COL12A1: variants seen among roughly 807,000 people sequenced by gnomAD.
The protein encoded by COL12A1 is collagen alpha-1(XII) chain.
A neutral mutation model predicts 349.7 loss-of-function variants in COL12A1; 114 were observed. The observed-to-expected ratio is 0.33, with a 90% CI of 0.28 to 0.38. COL12A1 has a LOEUF of 0.38. Among genes scored for constraint, COL12A1 ranks in the 10% least tolerant of loss-of-function variants. The pLI is 1.00. For missense variants in COL12A1, 3,284 were observed against 3,756.9 expected (o/e 0.87, Z 3.29); for synonymous variants, 1,369 against 1,329.0 (o/e 1.03, Z -0.66).
chr6:75,101,566 C>T (rs775478994), intron 58 of COL12A1, 34 bp downstream of exon 58: 1 of 1,597,370 alleles, frequency 6.3e-7, no homozygotes, highest in Non-Finnish European at 8.5e-7. Context: ...GACATCATTT[C>T]CAACATCATT....
intron 40 of COL12A1, 70 bp from the exon 41 acceptor site, chr6:75,124,441 C>A: frequency 8.6e-7 from 1 of 1,158,220 alleles, no homozygotes; most frequent in Non-Finnish European, 1.2e-6. Context: ...AATCATAACA[C>A]AATTTTCAAA....
rs1767763832 is a variant in COL12A1, at chr6:75,156,380, C to A, written c.3127G>T (p.Val1043Leu). 6.2e-7 allele frequency: 1 copy of A among 1,613,912 alleles called. No individual in the cohort carries two copies. The highest frequency in any genetic ancestry group is 1.1e-5 in the South Asian group (1 of 91,074). The change falls in exon 15 of 66, where the codon GTG (valine) becomes TTG (leucine). Residue 1043 changes from valine to leucine, a missense_variant. Physicochemically the swap from Val to Leu is conservative, Grantham distance 32. Coordinates refer to ENST00000322507, the MANE Select transcript of COL12A1 (RefSeq NM_004370.6). The part of the protein sequence containing the change: ...HGRGKQMVAK[V>L]PPTVTSTVLK... ...ACTGTCGAAGTGACTGTGGGGGGCACCTTAGCAACCATTTGCTTCCCTCTC... is the reference window on the plus strand; with the variant it reads ...ACTGTCGAAGTGACTGTGGGGGGCAACTTAGCAACCATTTGCTTCCCTCTC...
At chr6:75,110,272 G>C (rs752724142) in intron 51 of COL12A1, among the ~76,000 whole-genome samples, 1 of 151,876 alleles carries the variant, frequency 6.6e-6, no homozygotes, top group Non-Finnish European at 1.5e-5. Context: ...CATTGACAAG[G>C]CATGTGAAAA....
At chr6:75,087,823 T>C in intron 64 of COL12A1, 76 bp from the exon 65 acceptor site, 2 of 1,443,952 alleles carry the variant, frequency 1.4e-6, no homozygotes, top group East Asian at 2.3e-5. Context: ...ATACTTTAAG[T>C]GGCACCTCCA....
Position 75,130,078 on chromosome 6 carries a change from G to A in COL12A1, c.6210+13C>T, listed in dbSNP as rs139520272. On this transcript the variant is annotated intron_variant, in intron 37 of 65. Coordinates refer to ENST00000322507, the MANE Select transcript of COL12A1 (RefSeq NM_004370.6). Reference sequence around the variant, plus strand: ...GATGATAAAATGTGCCAATAAATGAGTATCAGACTTACATATTCATCAATT... The same window carrying A: ...GATGATAAAATGTGCCAATAAATGAATATCAGACTTACATATTCATCAATT... 2,127 of 1,611,870 alleles carry A rather than the reference G, an allele frequency of 1.3e-3. 14 individuals are homozygous for A. In the African/African-American group the frequency reaches 0.024, roughly 18 times the overall value.
chr6:75,102,546 C>A, intron 56 of COL12A1, 51 bp downstream of exon 56: 1 of 1,334,464 alleles, frequency 7.5e-7, no homozygotes, highest in East Asian at 2.7e-5. Context: ...ATTCATTTAA[C>A]TAAATGTTTA....
chr6:75,191,251 C>A (rs1769916690), intron 5 of COL12A1, among the ~76,000 whole-genome samples: 1 of 152,000 alleles, frequency 6.6e-6, no homozygotes, highest in South Asian at 2.1e-4. Context: ...TACACACAGA[C>A]TTAGAAAAGT....
chr6:75,133,762 C>T (rs1242253551), intron 33 of COL12A1, 96 bp downstream of exon 33: 2 of 1,417,238 alleles, frequency 1.4e-6, no homozygotes, highest in Non-Finnish European at 2.0e-6. Flanking sequence ...AATTCTTCAG[C>T]TCTAAAGCAA....
intron 59 of COL12A1, 134 bp from the exon 60 acceptor site, chr6:75,095,313 A>T (rs1419828634): frequency 7.4e-6 from 5 of 677,620 alleles, no homozygotes; most frequent in Non-Finnish European, 7.4e-6. Flanking sequence ...AATAAAACCA[A>T]ATTTTAAGAT....
rs776025468 is a variant in COL12A1 at position 75,138,381 on chromosome 6, C to T, written c.5231-41G>A. ...ATTTGGGAACACATTACTAATATAG[C>T]TGTAGCCCTATTTTTTAAAAATTAA... On this transcript the variant is annotated intron_variant, in intron 29 of 65. Transcript: ENST00000322507. 7 of 1,609,664 alleles carry T rather than the reference C, an allele frequency of 4.3e-6. No homozygotes were observed. In the East Asian group the frequency reaches 6.7e-5, roughly 15 times the overall value.
At chr6:75,179,622 A>G (rs1334335762) in intron 11 of COL12A1, among the ~76,000 whole-genome samples, 1 of 152,138 alleles carries the variant, frequency 6.6e-6, no homozygotes, top group Non-Finnish European at 1.5e-5. Flanking sequence ...TTATCAGTAT[A>G]GTATGCCAAT....
At chr6:75,160,869 C>G (rs1182603885) in intron 14 of COL12A1, among the ~76,000 whole-genome samples, 5 of 152,150 alleles carry the variant, frequency 3.3e-5, no homozygotes, top group Non-Finnish European at 4.4e-5. Context: ...TATTTCTGAT[C>G]ACAAAAACAT....
Position 75,134,015 on chromosome 6 carries a change from C to A in COL12A1, c.5525-18G>T. 6.2e-7 allele frequency: 1 copy of A among 1,608,476 alleles called. No homozygotes were observed. ...TAGAGGTTCTGAAATGCACAGAAAT[C>A]CCATCACAGTATAATGCTAACAATC... On this transcript the variant is annotated intron_variant, in intron 32 of 65. Coordinates refer to ENST00000322507, the MANE Select transcript of COL12A1 (RefSeq NM_004370.6).
chr6:75,100,386 C>G (rs6453813), intron 58 of COL12A1, among the ~76,000 whole-genome samples: 1,984 of 152,232 alleles, frequency 0.013, 36 homozygotes, highest in African/African-American at 0.045. Flanking sequence ...CCCATTGCCA[C>G]TTCTCAGCTG....
At chr6:75,141,105 T>C (rs972566678) in intron 27 of COL12A1, among the ~76,000 whole-genome samples, 2 of 152,178 alleles carry the variant, frequency 1.3e-5, no homozygotes, top group Non-Finnish European at 2.9e-5. Context: ...CATCCATCTA[T>C]TTTTGCCTTT....
intron 21 of COL12A1, among the ~76,000 whole-genome samples, 155 bp from the exon 22 acceptor site, chr6:75,148,652 C>T (rs939336786): frequency 2.6e-5 from 4 of 152,182 alleles, no homozygotes; most frequent in Non-Finnish European, 5.9e-5. Flanking sequence ...GTATTAGAGG[C>T]TCATCACCTG....
intron 2 of COL12A1, among the ~76,000 whole-genome samples, chr6:75,199,149 T>C (rs1424184602): frequency 6.6e-6 from 1 of 152,182 alleles, no homozygotes; most frequent in East Asian, 1.9e-4. Flanking sequence ...ATCAACCAGT[T>C]GTCAAGCACA....
chr6:75,172,662 A>G (rs971503881), intron 13 of COL12A1, among the ~76,000 whole-genome samples: 17 of 152,244 alleles, frequency 1.1e-4, no homozygotes, highest in African/African-American at 3.6e-4. Flanking sequence ...CAGATTGTAA[A>G]GATCACAAGC....
At chr6:75,141,828 G>T (rs1417922241) in intron 27 of COL12A1, among the ~76,000 whole-genome samples, 1 of 152,120 alleles carries the variant, frequency 6.6e-6, no homozygotes, top group Non-Finnish European at 1.5e-5. Flanking sequence ...GTGGCTGATG[G>T]AAAGTATCAT....
Sources: allele counts gnomAD v4.1 joint callset (sites outside exome capture counted in the v4.1 genomes callset), GRCh38; gene constraint gnomAD v4.1.1; transcripts MANE v1.5; gene names NCBI Gene and HGNC (gene_info 2026-07-23, HGNC 2026-07-21).